BSDC1: variants seen among roughly 807,000 people sequenced by gnomAD.
BSDC1 encodes the protein BSD domain containing 1, also known as BSD domain-containing protein 1.
In BSDC1, 29 loss-of-function variants were observed where a neutral mutation model predicts 56.0. The ratio of observed to expected loss-of-function variants is 0.52; its 90% CI spans 0.39 to 0.71. The LOEUF (loss-of-function observed/expected upper bound fraction) is 0.71. Among genes scored for constraint, BSDC1 ranks in the 30% least tolerant of loss-of-function variants. BSDC1 has a pLI of 0.00. For synonymous variants in BSDC1, 210 were observed against 215.3 expected (o/e 0.98, Z 0.21); for missense variants, 477 against 548.5 (o/e 0.87, Z 1.30).
chr1:32,388,815 C>CT (rs1354362054), intron 2 of BSDC1, among the ~76,000 whole-genome samples: 1 of 152,198 alleles, frequency 6.6e-6, no homozygotes, highest in African/African-American at 2.4e-5. Flanking sequence ...AAAACCAAGT[C>CT]TGTAAACACG....
chr1:32,383,912 G>C lies in BSDC1; in HGVS notation c.275C>G (p.Ser92Trp). 1.2e-6 allele frequency: 2 copies of C among 1,612,654 alleles called. No homozygotes were observed. The highest frequency in any genetic ancestry group is 1.7e-6 in the Non-Finnish European group (2 of 1,180,022). ...LGVISDTFAP[S>W]PDKTIDCDVI... The stretch of plus-strand genomic sequence containing the variant: ...ATCGCAGTCGATGGTTTTGTCTGGC[G>C]AAGGGGCAAAGGTGTCTGAGATCAC... The change falls in exon 4 of 11, where the codon TCG (serine) becomes TGG (tryptophan). Residue 92 changes from serine (S) to tryptophan (W), a missense_variant. Transcript: ENST00000455895.
chr1:32,370,529 C>T (rs759342038), intron 9 of BSDC1, among the ~76,000 whole-genome samples: 2 of 151,616 alleles, frequency 1.3e-5, no homozygotes, highest in African/African-American at 4.8e-5. Flanking sequence ...TGTCGCCGGG[C>T]GTGGTGGCTC....
intron 2 of BSDC1, among the ~76,000 whole-genome samples, chr1:32,392,236 G>T (rs539071992): frequency 6.6e-6 from 1 of 152,260 alleles, no homozygotes; most frequent in African/African-American, 2.4e-5. Context: ...GGAGGCCGAG[G>T]CAGGAGAATC....
intron 2 of BSDC1, among the ~76,000 whole-genome samples, chr1:32,392,406 G>A (rs1430707592): frequency 1.3e-5 from 2 of 152,066 alleles, no homozygotes; most frequent in Non-Finnish European, 2.9e-5. Flanking sequence ...GGGAAATTAC[G>A]TCTTTTCTTT....
chr1:32,376,221 T>C, intron 9 of BSDC1, 41 bp downstream of exon 9: 1 of 1,424,996 alleles, frequency 7.0e-7, no homozygotes, highest in Non-Finnish European at 9.3e-7. Flanking sequence ...GAGGTGGCCC[T>C]GACCGCACAC....
intron 3 of BSDC1, among the ~76,000 whole-genome samples, chr1:32,384,578 C>G (rs1642602882): frequency 6.6e-6 from 1 of 152,140 alleles, no homozygotes; most frequent in African/African-American, 2.4e-5. Flanking sequence ...TCATCATCAT[C>G]ATTGCTCAGG....
At position 32,378,112 on chromosome 1, in the gene BSDC1, G is replaced by C; in HGVS notation, c.598-64C>G. ...CACCCTCTTCCTAGACCCTGGTCCT[G>C]ATCCCACAACTCTTGGCACCCTGTA... On this transcript the variant is annotated intron_variant, in intron 7 of 10. Transcript: ENST00000455895. The surrounding 1 kb of genome is among the most constrained non-coding windows in gnomAD (Gnocchi z 5.2). 6.3e-7 allele frequency: 1 copy of C among 1,597,506 alleles called. No homozygotes were observed. The highest frequency in any genetic ancestry group is 2.2e-5 in the East Asian group (1 of 44,676).
chr1:32,390,579 G>C (rs975603320), intron 2 of BSDC1, among the ~76,000 whole-genome samples: 1 of 152,122 alleles, frequency 6.6e-6, no homozygotes, highest in Admixed American at 6.6e-5. Context: ...GATGACTGTG[G>C]GCTGTCTAGG....
At chr1:32,367,580 C>T (rs946315843) in intron 10 of BSDC1, 11 of 985,298 alleles carry the variant, frequency 1.1e-5, no homozygotes, top group African/African-American at 1.7e-5. Flanking sequence ...GTGGAACTAA[C>T]GCTGACATGA....
At chr1:32,386,318 CAAA>C (rs1220666804) in intron 3 of BSDC1, 10 of 59,178 alleles carry the variant, frequency 1.7e-4, no homozygotes, top group African/African-American at 2.2e-4. Context: ...GACTCCAACT[CAAA>C]AAAAAAAAAA....
intron 8 of BSDC1, among the ~76,000 whole-genome samples, chr1:32,377,141 G>GA (rs529033352): frequency 3.6e-4 from 52 of 144,708 alleles, no homozygotes; most frequent in South Asian, 6.7e-4. Flanking sequence ...GCCTCAAAAC[G>GA]AAAAAAAAAA....
Position 32,368,570 on chromosome 1 carries a change from T to C in BSDC1, c.1157-20A>G, listed in dbSNP as rs1641942685. 2 of 1,613,752 alleles carry C rather than the reference T, an allele frequency of 1.2e-6. No homozygotes were observed. The highest frequency in any genetic ancestry group is 8.5e-7 in the Non-Finnish European group (1 of 1,179,718). On this transcript the variant is annotated intron_variant, in intron 9 of 10. Transcript: ENST00000455895. Reference sequence around the variant, plus strand: ...TTGAGCCTGGAACCACGAGCCACAGTGTGAAAAGCAGGAGGAGGCAGGGAA... The same window carrying C: ...TTGAGCCTGGAACCACGAGCCACAGCGTGAAAAGCAGGAGGAGGCAGGGAA...
intron 9 of BSDC1, among the ~76,000 whole-genome samples, chr1:32,373,828 T>G (rs1229721584): frequency 2.0e-5 from 3 of 152,180 alleles, no homozygotes; most frequent in East Asian, 3.8e-4. Flanking sequence ...CAGCGGACTT[T>G]CTTCTTTTCA....
rs563206618 is a variant in BSDC1, at chr1:32,366,773, C to CT, written c.1261-120dup. The CT allele has an allele frequency of 2.8e-4, 395 of 1,430,072 alleles. 4 individuals are homozygous for CT. In the African/African-American group the frequency reaches 5.0e-3, roughly 18 times the overall value. 88.6% of individuals were successfully genotyped at this position (1,430,072 alleles called of 1,614,324 possible). ...CCCATCCCCTACCCCAGGCCATACT[C>CT]TGAGGTCCCACTGAGAGTGAACCCC... On this transcript the variant is annotated intron_variant, in intron 10 of 10. Coordinates refer to ENST00000455895, the MANE Select transcript of BSDC1 (RefSeq NM_018045.8).
At chr1:32,383,093 T>G (rs1399378251) in intron 4 of BSDC1, among the ~76,000 whole-genome samples, 1 of 151,822 alleles carries the variant, frequency 6.6e-6, no homozygotes, top group African/African-American at 2.4e-5. Context: ...ATATGCAACA[T>G]GAAGGAAATA....
intron 8 of BSDC1, 76 bp downstream of exon 8, chr1:32,377,894 C>A: frequency 5.6e-6 from 8 of 1,429,734 alleles, no homozygotes; most frequent in Non-Finnish European, 7.7e-6. Context: ...TCTCTCCAGG[C>A]TTCAGAGAGC....
chr1:32,384,467 C>T (rs1292049863), intron 3 of BSDC1, among the ~76,000 whole-genome samples: 1 of 152,198 alleles, frequency 6.6e-6, no homozygotes, highest in African/African-American at 2.4e-5. Flanking sequence ...GTTAAGTATA[C>T]ATCCTTCATA....
chr1:32,376,740 C>T lies in BSDC1; in HGVS notation c.678G>A (p.Glu226=). ...SEEPGWEEEE[E]ELMGISPISP... The stretch of plus-strand genomic sequence containing the variant: ...ATATGGGTGAAATGCCCATGAGCTC[C>T]TCTGTAGAGAGAGAAAGGGAGGGGC... The change falls in exon 9 of 11, where the codon GAG becomes GAA. Residue 226 remains glutamate, a splice_region_variant and synonymous_variant. Coordinates refer to ENST00000455895, the MANE Select transcript of BSDC1 (RefSeq NM_018045.8). 1.5e-6 allele frequency: 2 copies of T among 1,372,024 alleles called. No homozygotes were observed. The highest frequency in any genetic ancestry group is 5.0e-5 in the East Asian group (2 of 39,884). 85.0% of individuals were successfully genotyped at this position (1,372,024 alleles called of 1,614,324 possible).
At chr1:32,381,078 G>T in intron 5 of BSDC1, 136 bp downstream of exon 5, 1 of 775,444 alleles carries the variant, frequency 1.3e-6, no homozygotes, top group Non-Finnish European at 2.2e-6. Flanking sequence ...AAAGTATAAG[G>T]TACACACTAG....
Sources: gnomAD v4.1 joint callset for allele counts (sites outside exome capture counted in the v4.1 genomes callset) on GRCh38, gnomAD v4.1.1 for gene constraint, Gnocchi (gnomAD v3.1) non-coding constraint, MANE v1.5 for transcripts, NCBI Gene and HGNC (gene_info 2026-07-23, HGNC 2026-07-21) for gene names.